USH2A: variants seen among roughly 807,000 people sequenced by gnomAD.
The protein encoded by USH2A is Usher syndrome 2A (autosomal recessive, mild).
Under a neutral mutation model 538.9 loss-of-function variants are expected in USH2A, and 443 were observed. That is an observed-to-expected ratio of 0.82 (90% confidence interval 0.76 to 0.89). The LOEUF (loss-of-function observed/expected upper bound fraction) is 0.89, where lower values mean the gene tolerates loss of function less well. Among genes scored for constraint, USH2A ranks in the 40% least tolerant of loss-of-function variants. The probability of loss-of-function intolerance (pLI) is 0.00; values close to 1 mark genes in which losing one functional copy is unlikely to be tolerated. For synonymous variants in USH2A, 2,413 were observed against 2,273.5 expected, an observed-to-expected ratio of 1.06 and a Z score of -1.75; for missense variants, 6,633 against 6,324.8, an observed-to-expected ratio of 1.05 and a Z score of -1.65.
intron 27 of USH2A, among the ~76,000 whole-genome samples, chr1:216,074,146 T>C (rs1348338714): frequency 6.6e-6 from 1 of 152,212 alleles, no homozygotes; most frequent in African/African-American, 2.4e-5. Context: ...CACCACTTTT[T>C]TGTTAGACAG....
rs76364641 is a variant in USH2A, at chr1:215,652,377, C to T, written c.14134-1576G>A. Among the ~76,000 whole-genome samples the T allele has an allele frequency of 6.1e-3, 930 of 152,264 alleles. 25 individuals carry two copies. In the South Asian group the frequency reaches 0.071, roughly 12 times the overall value. On this transcript the variant is annotated intron_variant, in intron 64 of 71. Transcript: ENST00000307340. ...GAAAATTAAACGACTTGTCCATAGACGAATACCTGCAATTCTAGATTAGGT... is the reference window on the plus strand; with the variant it reads ...GAAAATTAAACGACTTGTCCATAGATGAATACCTGCAATTCTAGATTAGGT...
intron 34 of USH2A, among the ~76,000 whole-genome samples, chr1:215,996,894 T>C (rs1668155762): frequency 2.0e-5 from 3 of 152,128 alleles, no homozygotes; most frequent in African/African-American, 4.8e-5. Flanking sequence ...TAAATCATAG[T>C]GGTTCAAATC....
chr1:216,165,890 G>A (rs558548637), intron 21 of USH2A, among the ~76,000 whole-genome samples: 6 of 150,664 alleles, frequency 4.0e-5, no homozygotes, highest in Non-Finnish European at 8.8e-5. Context: ...TGATTTCTGA[G>A]ATTTTGGTAC....
intron 32 of USH2A, among the ~76,000 whole-genome samples, chr1:216,017,776 C>G (rs1668752889): frequency 6.6e-6 from 1 of 152,130 alleles, no homozygotes; most frequent in Non-Finnish European, 1.5e-5. Context: ...AGTGCTAAGT[C>G]TATTGTCAGC....
chr1:215,780,840 G>A (rs1661614658), intron 54 of USH2A, among the ~76,000 whole-genome samples: 1 of 152,222 alleles, frequency 6.6e-6, no homozygotes, highest in Non-Finnish European at 1.5e-5. Context: ...TGAACAAAAT[G>A]TTGCATTCTT....
chr1:215,727,510 T>C (rs1286501699), intron 61 of USH2A, among the ~76,000 whole-genome samples: 3 of 152,102 alleles, frequency 2.0e-5, no homozygotes, highest in Admixed American at 6.6e-5. Flanking sequence ...GCAGATCACT[T>C]GAGGTCAGGA....
intron 9 of USH2A, among the ~76,000 whole-genome samples, chr1:216,304,170 C>A (rs1194342109): frequency 6.6e-6 from 1 of 152,000 alleles, no homozygotes; most frequent in Non-Finnish European, 1.5e-5. Flanking sequence ...ATATTCCACT[C>A]CGCTAATAAT....
At chr1:216,102,226 T>C (rs544475742) in intron 21 of USH2A, among the ~76,000 whole-genome samples, 3 of 151,404 alleles carry the variant, frequency 2.0e-5, no homozygotes, top group Non-Finnish European at 2.9e-5. Context: ...ATTAGTCATC[T>C]GAGAAATGCA....
At chr1:216,037,413 A>C (rs2030036635) in intron 32 of USH2A, among the ~76,000 whole-genome samples, 1 of 152,090 alleles carries the variant, frequency 6.6e-6, no homozygotes, top group South Asian at 2.1e-4. Flanking sequence ...ATCCCCAAAA[A>C]ACTTTTGCCA....
At chr1:216,387,032 G>A (rs1471142929) in intron 3 of USH2A, among the ~76,000 whole-genome samples, 1 of 152,072 alleles carries the variant, frequency 6.6e-6, no homozygotes, top group African/African-American at 2.4e-5. Flanking sequence ...AAGATAGGAG[G>A]AATTACTTCA....
chr1:216,411,229 T>C (rs2039484625), intron 3 of USH2A, among the ~76,000 whole-genome samples: 1 of 152,174 alleles, frequency 6.6e-6, no homozygotes, highest in South Asian at 2.1e-4. Context: ...TATTTCTTTT[T>C]ATACAAGGGC....
At chr1:216,267,195 C>G (rs2036490404) in intron 11 of USH2A, among the ~76,000 whole-genome samples, 1 of 151,974 alleles carries the variant, frequency 6.6e-6, no homozygotes, top group Admixed American at 6.6e-5. Context: ...GTGGAGTCCT[C>G]TAAATGAAAA....
chr1:215,957,957 A>G (rs1164261501), intron 37 of USH2A, among the ~76,000 whole-genome samples: 1 of 152,132 alleles, frequency 6.6e-6, no homozygotes, highest in East Asian at 1.9e-4. Context: ...ATGGGTTGCA[A>G]GCACAGCTCT....
chr1:215,766,039 A>G (rs1354462502), intron 56 of USH2A, among the ~76,000 whole-genome samples: 1 of 152,206 alleles, frequency 6.6e-6, no homozygotes. Context: ...TTTAAATGTG[A>G]TAGACATTTG....
intron 47 of USH2A, among the ~76,000 whole-genome samples, chr1:215,824,115 A>T (rs1290137506): frequency 1.3e-5 from 2 of 152,118 alleles, no homozygotes; most frequent in African/African-American, 2.4e-5. Flanking sequence ...ACCGTCCTGC[A>T]TATTATCAAG....
Position 215,639,141 on chromosome 1 carries a change from T to C in USH2A, c.15052+14A>G, listed in dbSNP as rs774559746. 3.7e-5 allele frequency: 60 copies of C among 1,613,382 alleles called. No homozygotes were observed. Among genetic ancestry groups the C allele is most frequent in the Non-Finnish European group, 4.7e-5 (56 of 1,179,442 alleles). ...TGAATAGGTGCTACGCCAAGTATAA[T>C]ATGAGTTGTTTACCAAGTCCAGTAG... On this transcript the variant is annotated intron_variant, in intron 69 of 71. Transcript: ENST00000307340.
At chr1:216,231,258 TAA>T (rs1491157329) in intron 14 of USH2A, among the ~76,000 whole-genome samples, 4 of 100,302 alleles carry the variant, frequency 4.0e-5, no homozygotes, top group African/African-American at 1.3e-4. Context: ...ATTATATATA[TAA>T]TATATATATA....
intron 35 of USH2A, among the ~76,000 whole-genome samples, chr1:215,988,265 G>A (rs1430565713): frequency 2.6e-5 from 4 of 151,558 alleles, no homozygotes; most frequent in East Asian, 2.0e-4. Flanking sequence ...ATAAACTCAC[G>A]TAAGTGCAAT....
At chr1:216,049,323 A>C (rs1183299995) in intron 30 of USH2A, among the ~76,000 whole-genome samples, 1 of 152,238 alleles carries the variant, frequency 6.6e-6, no homozygotes, top group African/African-American at 2.4e-5. Flanking sequence ...GTATTGAATT[A>C]ACATGGCTTG....
Sources: allele counts gnomAD v4.1 joint callset (sites outside exome capture counted in the v4.1 genomes callset), GRCh38; gene constraint gnomAD v4.1.1; transcripts MANE v1.5; gene names NCBI Gene and HGNC (gene_info 2026-07-23, HGNC 2026-07-21).